The following AKT3 variants were observed in gnomAD, a reference collection of about 807,000 sequenced individuals.
AKT3 encodes RAC-gamma serine/threonine-protein kinase.
Under a neutral mutation model 65.3 loss-of-function variants are expected in AKT3, and 15 were observed. That is an observed-to-expected ratio of 0.23 (90% CI 0.15 to 0.35). The LOEUF is 0.35. Among genes scored for constraint, AKT3 ranks in the 10% least tolerant of loss-of-function variants. AKT3 has a pLI of 1.00. For missense variants in AKT3, 243 were observed against 576.5 expected, an observed-to-expected ratio of 0.42 and a Z score of 5.92; for synonymous variants, 206 against 183.8, an observed-to-expected ratio of 1.12 and a Z score of -0.98.
chr1:243,684,297 T>TCC (rs1275798074), intron 3 of AKT3, among the ~76,000 whole-genome samples: 1 of 152,088 alleles, frequency 6.6e-6, no homozygotes, highest in Non-Finnish European at 1.5e-5. Context: ...CCTAATGCTA[T>TCC]CCCTCCCCTA....
intron 6 of AKT3, among the ~76,000 whole-genome samples, chr1:243,635,644 AT>A (rs1273982466): frequency 3.3e-5 from 5 of 152,146 alleles, no homozygotes; most frequent in Admixed American, 1.3e-4. Flanking sequence ...TTAAGAAAAA[AT>A]AGGTTATTTA....
chr1:243,727,163 A>G (rs1687261110), intron 2 of AKT3, among the ~76,000 whole-genome samples: 1 of 152,254 alleles, frequency 6.6e-6, no homozygotes, highest in African/African-American at 2.4e-5. Flanking sequence ...ATTGTGGGTC[A>G]AAATCAGGAC....
At chr1:243,764,132 C>G (rs1689664714) in intron 2 of AKT3, among the ~76,000 whole-genome samples, 1 of 152,056 alleles carries the variant, frequency 6.6e-6, no homozygotes, top group African/African-American at 2.4e-5. Flanking sequence ...ATAAAAACAT[C>G]TAAGTCGCTA....
At chr1:243,831,768 G>A (rs1318584616) in intron 2 of AKT3, among the ~76,000 whole-genome samples, 5 of 152,048 alleles carry the variant, frequency 3.3e-5, no homozygotes, top group Admixed American at 6.6e-5. Flanking sequence ...TCCATACTCA[G>A]AGGATTTTAA....
chr1:243,745,767 G>GA (rs1688441478), intron 2 of AKT3, among the ~76,000 whole-genome samples: 1 of 152,130 alleles, frequency 6.6e-6, no homozygotes, highest in South Asian at 2.1e-4. Flanking sequence ...CAAAAGACTG[G>GA]ACACCCCTGC....
intron 2 of AKT3, among the ~76,000 whole-genome samples, chr1:243,725,875 T>G (rs1687177184): frequency 6.6e-6 from 1 of 152,228 alleles, no homozygotes; most frequent in African/African-American, 2.4e-5. Context: ...TATATGTTGT[T>G]ACAATTTTCA....
At chr1:243,776,840 A>T (rs1250261071) in intron 2 of AKT3, among the ~76,000 whole-genome samples, 2 of 152,238 alleles carry the variant, frequency 1.3e-5, no homozygotes, top group African/African-American at 4.8e-5. Context: ...CAATAAAAAA[A>T]GATAAGGTGC....
chr1:243,835,069 T>C (rs1694807717), intron 2 of AKT3, among the ~76,000 whole-genome samples: 1 of 152,042 alleles, frequency 6.6e-6, no homozygotes, highest in Middle Eastern at 3.4e-3. Flanking sequence ...AAATTAAGAA[T>C]GAATATTGTA....
chr1:243,530,561 T>C (rs924227243), intron 12 of AKT3, among the ~76,000 whole-genome samples: 8 of 151,854 alleles, frequency 5.3e-5, no homozygotes, highest in Admixed American at 3.9e-4. Context: ...AACGCCCACA[T>C]AAAAAGTTAG....
intron 8 of AKT3, chr1:243,612,915 TGTA>T (rs931120152): frequency 6.6e-6 from 1 of 151,126 alleles, no homozygotes; most frequent in Non-Finnish European, 1.5e-5. Context: ...GGTGCGCGCC[TGTA>T]GTCTCAACTA....
At chr1:243,495,178 G>A (rs540384682), downstream of AKT3, among the ~76,000 whole-genome samples, 67 of 152,356 alleles carry the variant, frequency 4.4e-4, 1 homozygote, top group Non-Finnish European at 4.4e-4. Flanking sequence ...GGGAGGACAG[G>A]TGGCACCGCA....
At chr1:243,757,748 A>G (rs1689228953) in intron 2 of AKT3, among the ~76,000 whole-genome samples, 1 of 151,580 alleles carries the variant, frequency 6.6e-6, no homozygotes, top group South Asian at 2.1e-4. Context: ...TTTTTGATAC[A>G]GATTTATCTA....
At chr1:243,559,503 C>A (rs953288366) in intron 10 of AKT3, among the ~76,000 whole-genome samples, 1 of 151,982 alleles carries the variant, frequency 6.6e-6, no homozygotes, top group Non-Finnish European at 1.5e-5. Context: ...TTCTAATTTG[C>A]CATAAGAAAC....
intron 2 of AKT3, among the ~76,000 whole-genome samples, chr1:243,813,533 C>T (rs1232257098): frequency 6.6e-6 from 1 of 151,270 alleles, no homozygotes; most frequent in African/African-American, 2.4e-5. Context: ...AAATTAGAAT[C>T]AGTGTCATAG....
At chr1:243,616,124 T>C (rs1287777969) in intron 6 of AKT3, among the ~76,000 whole-genome samples, 2 of 151,598 alleles carry the variant, frequency 1.3e-5, no homozygotes, top group African/African-American at 4.8e-5. Flanking sequence ...TCTTTAGTGG[T>C]GATTTCTGAG....
intron 2 of AKT3, among the ~76,000 whole-genome samples, chr1:243,730,847 C>T (rs973266884): frequency 2.0e-5 from 3 of 152,302 alleles, no homozygotes; most frequent in African/African-American, 4.8e-5. Context: ...ACGTGTGGTA[C>T]GCCTGCTCCA....
intron 13 of AKT3, among the ~76,000 whole-genome samples, chr1:243,510,241 A>T (rs1669933465): frequency 6.6e-6 from 1 of 152,178 alleles, no homozygotes; most frequent in Non-Finnish European, 1.5e-5. Flanking sequence ...TGAAGTTCCT[A>T]GGCCCTCACC....
chr1:243,628,427 T>C (rs1679348581), intron 6 of AKT3, among the ~76,000 whole-genome samples: 1 of 151,860 alleles, frequency 6.6e-6, no homozygotes, highest in South Asian at 2.1e-4. Context: ...GCCAAATGAG[T>C]AGCTGGTATC....
intron 9 of AKT3, among the ~76,000 whole-genome samples, chr1:243,564,814 T>C (rs902275007): frequency 1.3e-5 from 2 of 152,174 alleles, no homozygotes; most frequent in Non-Finnish European, 2.9e-5. Context: ...GTGAAAAGTA[T>C]ATTAACAGGA....
Sources: allele counts gnomAD v4.1 joint callset (sites outside exome capture counted in the v4.1 genomes callset), GRCh38; gene constraint gnomAD v4.1.1; transcripts MANE v1.5; gene names NCBI Gene and HGNC (gene_info 2026-07-23, HGNC 2026-07-21).